The following CADM1 variants were observed in gnomAD, a reference collection of about 807,000 sequenced individuals.
The protein encoded by CADM1 is TSLC-1.
CADM1 carries 15 observed loss-of-function variants against 53.1 expected under a neutral mutation model. That is an observed-to-expected ratio of 0.28 (90% CI 0.19 to 0.44). CADM1 has a LOEUF of 0.44. CADM1 is among the 20% of genes least tolerant of loss of function. The pLI, the probability that CADM1 is intolerant of heterozygous loss-of-function variation, is 1.00. For missense variants in CADM1, 434 were observed against 611.3 expected, an observed-to-expected ratio of 0.71 and a Z score of 3.06; for synonymous variants, 281 against 243.0, an observed-to-expected ratio of 1.16 and a Z score of -1.45.
chr11:115,425,420 T>G (rs2135280707), intron 1 of CADM1, among the ~76,000 whole-genome samples: 1 of 152,344 alleles, frequency 6.6e-6, no homozygotes, highest in African/African-American at 2.4e-5. Flanking sequence ...GCTAGCGTAA[T>G]AAGTTTCATT....
chr11:115,238,450 G>C (rs773791802), intron 3 of CADM1, 50 bp downstream of exon 3: 1 of 1,583,246 alleles, frequency 6.3e-7, no homozygotes, highest in Non-Finnish European at 8.7e-7. Flanking sequence ...TGCTGTAAAA[G>C]GGCCATCTCT....
intron 1 of CADM1, among the ~76,000 whole-genome samples, chr11:115,467,403 A>G (rs1591275234): frequency 2.0e-5 from 3 of 152,214 alleles, no homozygotes; most frequent in African/African-American, 7.2e-5. Context: ...CTCTTTCCTC[A>G]GAAGAGCTAT....
chr11:115,295,207 G>T (rs1388364536), intron 1 of CADM1, among the ~76,000 whole-genome samples: 1 of 151,954 alleles, frequency 6.6e-6, no homozygotes, highest in Admixed American at 6.6e-5. Flanking sequence ...TGACAATAGA[G>T]TCCTGGGCAC....
intron 1 of CADM1, among the ~76,000 whole-genome samples, chr11:115,360,375 G>A (rs559151163): frequency 1.3e-5 from 2 of 152,210 alleles, no homozygotes; most frequent in African/African-American, 4.8e-5. Flanking sequence ...GCCAAAACCT[G>A]CTAACACTGC....
intron 9 of CADM1, among the ~76,000 whole-genome samples, chr11:115,198,024 A>G (rs1940242021): frequency 6.6e-6 from 1 of 152,338 alleles, no homozygotes; most frequent in Middle Eastern, 3.4e-3. Flanking sequence ...ACCTGGGACT[A>G]TGGCCTATAT....
intron 1 of CADM1, among the ~76,000 whole-genome samples, chr11:115,459,015 G>C (rs1233535322): frequency 6.6e-6 from 1 of 152,168 alleles, no homozygotes; most frequent in Non-Finnish European, 1.5e-5. Flanking sequence ...CCTCTCGAGA[G>C]CCAAAGAGCA....
intron 1 of CADM1, among the ~76,000 whole-genome samples, chr11:115,242,260 G>A (rs564177800): frequency 6.8e-6 from 1 of 147,500 alleles, no homozygotes; most frequent in Non-Finnish European, 1.5e-5. Context: ...GTAAATTCCC[G>A]AAAGCTTGAT....
At chr11:115,206,647 A>ATTTTTC (rs1565297314) in intron 8 of CADM1, among the ~76,000 whole-genome samples, 1 of 151,504 alleles carries the variant, frequency 6.6e-6, no homozygotes, top group African/African-American at 2.4e-5. Flanking sequence ...GAGTTTAAAA[A>ATTTTTC]TATTTTTCTA....
chr11:115,221,240 C>G (rs933604373), intron 5 of CADM1, among the ~76,000 whole-genome samples: 2 of 152,172 alleles, frequency 1.3e-5, no homozygotes, highest in African/African-American at 4.8e-5. Context: ...ACTTAAAGAA[C>G]ATTACAGTTA....
Position 115,383,047 on chromosome 11 carries a change from C to T in CADM1, c.124+121224G>A, listed in dbSNP as rs1591765317. On this transcript the variant is annotated intron_variant, in intron 1 of 11. Coordinates refer to ENST00000331581, the MANE Select transcript of CADM1 (RefSeq NM_001301043.2). Reference sequence around the variant, plus strand: ...CTCTGACATATCTTAAAACAAAAGTCTTATTATCATCTCCTAACTCATACA... The same window carrying T: ...CTCTGACATATCTTAAAACAAAAGTTTTATTATCATCTCCTAACTCATACA... Among the ~76,000 whole-genome samples the T allele has an allele frequency of 2.0e-5, 3 of 152,202 alleles. No individual in the cohort carries two copies. In the South Asian group the frequency reaches 6.2e-4, roughly 32 times the overall value.
chr11:115,206,286 C>A (rs989815951), intron 8 of CADM1, among the ~76,000 whole-genome samples: 7 of 152,170 alleles, frequency 4.6e-5, no homozygotes, highest in African/African-American at 7.2e-5. Context: ...TTAGAGACTA[C>A]AAAAATTTCT....
At chr11:115,311,872 C>A (rs1012817473) in intron 1 of CADM1, among the ~76,000 whole-genome samples, 2 of 152,122 alleles carry the variant, frequency 1.3e-5, no homozygotes, top group African/African-American at 4.8e-5. Context: ...TTCCCTATAT[C>A]CAGAAATCAC....
At chr11:115,180,703 G>A (rs1049590226) in intron 10 of CADM1, among the ~76,000 whole-genome samples, 1 of 151,988 alleles carries the variant, frequency 6.6e-6, no homozygotes, top group Non-Finnish European at 1.5e-5. Flanking sequence ...TGCTGGACAC[G>A]GGGTGTCTGC....
chr11:115,313,760 G>A (rs2135168840), intron 1 of CADM1, among the ~76,000 whole-genome samples: 1 of 152,242 alleles, frequency 6.6e-6, no homozygotes, highest in East Asian at 1.9e-4. Context: ...AGTGCCTGAG[G>A]TTGCTCCTCC....
At chr11:115,346,089 G>A (rs1235514433) in intron 1 of CADM1, among the ~76,000 whole-genome samples, 1 of 82,326 alleles carries the variant, frequency 1.2e-5, no homozygotes, top group Non-Finnish European at 2.3e-5. Context: ...ATTACCTTAA[G>A]AAGTTCCTTT....
At chr11:115,469,683 T>TC (rs932499809) in intron 1 of CADM1, among the ~76,000 whole-genome samples, 1 of 148,180 alleles carries the variant, frequency 6.7e-6, no homozygotes, top group African/African-American at 2.5e-5. Flanking sequence ...TTTTTTTTTT[T>TC]TTTTTCGAGA....
chr11:115,426,006 G>A (rs1565421151), intron 1 of CADM1, among the ~76,000 whole-genome samples: 1 of 152,278 alleles, frequency 6.6e-6, no homozygotes, highest in East Asian at 1.9e-4. Context: ...GCTGGAGGAA[G>A]GGAACGCTCT....
intron 1 of CADM1, among the ~76,000 whole-genome samples, chr11:115,276,834 C>G (rs1477529521): frequency 1.3e-5 from 2 of 152,218 alleles, no homozygotes; most frequent in African/African-American, 4.8e-5. Flanking sequence ...ACTAAGCCAG[C>G]ATTCTGGTTC....
intron 1 of CADM1, among the ~76,000 whole-genome samples, chr11:115,406,445 AAAG>A (rs1257354412): frequency 2.0e-5 from 3 of 150,752 alleles, no homozygotes; most frequent in Non-Finnish European, 4.4e-5. Context: ...TAATAAATTT[AAAG>A]AATAAATACA....
Sources: allele counts gnomAD v4.1 joint callset (sites outside exome capture counted in the v4.1 genomes callset), GRCh38; gene constraint gnomAD v4.1.1; transcripts MANE v1.5; gene names NCBI Gene and HGNC (gene_info 2026-07-23, HGNC 2026-07-21).